Variants in WIPF3 observed in about 807,000 individuals in gnomAD.
The protein encoded by WIPF3 is WAS/WASL-interacting protein family member 3.
WIPF3 carries 33 observed loss-of-function variants against 38.9 expected under a neutral mutation model. The observed-to-expected ratio is 0.85, with a 90% CI of 0.64 to 1.14. The LOEUF is 1.14. Ranked by LOEUF, WIPF3 falls within the 50% of genes most tolerant of loss-of-function variation. The pLI is 0.00. For synonymous variants in WIPF3, 324 were observed against 269.3 expected (o/e 1.20, Z -1.99); for missense variants, 711 against 652.5 (o/e 1.09, Z -0.98).
In WIPF3 at chr7:29,830,040, A is replaced by G. The variant is rs183796314; in HGVS notation, c.-57-4628A>G. On this transcript the variant is annotated intron_variant, in intron 1 of 8. Coordinates refer to ENST00000242140, the MANE Select transcript of WIPF3 (RefSeq NM_001080529.3). The stretch of plus-strand genomic sequence containing the variant: ...AGCCCCTGACTTCCTGGAGCTCAGC[A>G]TTCTCAACTGTCAGATTTTAACAAA... Among the ~76,000 whole-genome samples, 251 of 152,240 alleles carry G rather than the reference A, an allele frequency of 1.6e-3. 1 individual carries two copies. In the East Asian group the frequency reaches 0.017, roughly 10 times the overall value.
intron 2 of WIPF3, among the ~76,000 whole-genome samples, chr7:29,872,043 T>C (rs1403176360): frequency 6.6e-6 from 1 of 152,200 alleles, no homozygotes; most frequent in East Asian, 1.9e-4. Context: ...GAAGTAATGT[T>C]TTGTTGGCTT....
intron 1 of WIPF3, among the ~76,000 whole-genome samples, chr7:29,812,672 C>A (rs79590248): frequency 0.01 from 1,578 of 152,254 alleles, 29 homozygotes; most frequent in African/African-American, 0.036. Flanking sequence ...TCTGATAAAT[C>A]AAATATTTTT....
chr7:29,890,705 T>TGCCCTGTGCTCAGGTGGAGGGAACCCAGG (rs1254423215), intron 7 of WIPF3, among the ~76,000 whole-genome samples: 19 of 151,598 alleles, frequency 1.3e-4, no homozygotes, highest in African/African-American at 4.1e-4. Context: ...CGCGTGGACC[T>TGCCCTGTGCTCAGGTGGAGGGAACCCAGG]GCCCTGTGCT....
At chr7:29,904,692 T>G (rs1470009845) in intron 8 of WIPF3, 1 of 269,546 alleles carries the variant, frequency 3.7e-6, no homozygotes, top group Non-Finnish European at 7.1e-6. Flanking sequence ...ATAACATGTA[T>G]AAAACATAAT....
chr7:29,860,499 A>G (rs1351617589), intron 2 of WIPF3, among the ~76,000 whole-genome samples: 1 of 152,214 alleles, frequency 6.6e-6, no homozygotes, highest in Non-Finnish European at 1.5e-5. Flanking sequence ...CATAAGTGGA[A>G]TCAGCCTGAA....
At chr7:29,835,603 C>T (rs1031090534) in intron 2 of WIPF3, among the ~76,000 whole-genome samples, 2 of 152,290 alleles carry the variant, frequency 1.3e-5, no homozygotes, top group East Asian at 3.9e-4. Context: ...AAATCACCAC[C>T]GCACACACGG....
chr7:29,884,696 CA>C (rs2128076159), intron 5 of WIPF3, 103 bp downstream of exon 5: 2 of 1,431,962 alleles, frequency 1.4e-6, no homozygotes, highest in Non-Finnish European at 1.8e-6. Flanking sequence ...AGATGGACAC[CA>C]GGGGTGAGGG....
Position 29,847,997 on chromosome 7 carries a change from C to T in WIPF3, c.90+13183C>T, listed in dbSNP as rs529705077. Among the ~76,000 whole-genome samples the T allele has an allele frequency of 1.6e-4, 24 of 152,222 alleles. No homozygotes were observed. The Middle Eastern group carries it at 0.031, about 194-fold the overall frequency. ...TTTGGGGAATTGTTTTAATTCCAAA[C>T]AATGTGCAGATGTTACCATTTCTAG... On this transcript the variant is annotated intron_variant, in intron 2 of 8. Coordinates refer to ENST00000242140, the MANE Select transcript of WIPF3 (RefSeq NM_001080529.3).
chr7:29,874,087 C>A (rs571737919), intron 2 of WIPF3, among the ~76,000 whole-genome samples: 1 of 152,218 alleles, frequency 6.6e-6, no homozygotes, highest in South Asian at 2.1e-4. Context: ...CTCTGGGGAA[C>A]CAGCATGGCT....
chr7:29,852,093 C>G (rs1236700380), intron 2 of WIPF3, among the ~76,000 whole-genome samples: 1 of 152,194 alleles, frequency 6.6e-6, no homozygotes, highest in Non-Finnish European at 1.5e-5. Context: ...CCTCCAGCTA[C>G]TGGACTCAAG....
In WIPF3 at chr7:29,915,384, CAG is replaced by C. The variant is rs1786594614; in HGVS notation, c.*871_*872del. The C allele has an allele frequency of 6.6e-6, 1 of 152,190 alleles. No individual in the cohort carries two copies. The highest frequency in any genetic ancestry group is 1.5e-5 in the Non-Finnish European group (1 of 68,048). 9.4% of individuals were successfully genotyped at this position (152,190 alleles called of 1,614,324 possible). ...TTATGCTAAACTACCAGTTGTATCT[CAG>C]AGGTCTCCCCTTCTGCCCTTGCTTC... On this transcript the variant is annotated 3_prime_UTR_variant, in exon 9 of 9. Coordinates refer to ENST00000242140, the MANE Select transcript of WIPF3 (RefSeq NM_001080529.3).
chr7:29,821,701 A>C (rs1784539209), intron 1 of WIPF3, among the ~76,000 whole-genome samples: 1 of 152,180 alleles, frequency 6.6e-6, no homozygotes, highest in African/African-American at 2.4e-5. Context: ...TATGTCTTTT[A>C]CTCAGGAAAA....
chr7:29,807,180 G>T (rs993437743), intron 1 of WIPF3, among the ~76,000 whole-genome samples: 1 of 152,130 alleles, frequency 6.6e-6, no homozygotes, highest in Non-Finnish European at 1.5e-5. Flanking sequence ...GGTGGCTTGG[G>T]GAATACAGAA....
Position 29,884,361 on chromosome 7 carries a change from T to TGCC in WIPF3, c.867_868insGCC (p.Pro289_Pro290insAla). On this transcript the variant is annotated inframe_insertion, in exon 5 of 9. Coordinates refer to ENST00000242140, the MANE Select transcript of WIPF3 (RefSeq NM_001080529.3). ...GCCCTGCGCAAGATGCGCAGGAGCC[T>TGCC]CCCGCCCCGCCGCCCCCGCTCCCCC... is the stretch of plus-strand genomic sequence containing the variant. The TGCC allele has an allele frequency of 1.1e-5, 15 of 1,317,840 alleles. No individual in the cohort carries two copies. Among genetic ancestry groups the TGCC allele is most frequent in the African/African-American group, 1.9e-5 (1 of 53,806 alleles). The allele number at this position is 1,317,840 out of a possible 1,614,324, so 81.6% of individuals were successfully genotyped here.
At chr7:29,892,568 G>T (rs189341469) in intron 7 of WIPF3, among the ~76,000 whole-genome samples, 1 of 152,334 alleles carries the variant, frequency 6.6e-6, no homozygotes, top group African/African-American at 2.4e-5. Flanking sequence ...CTTATCATTT[G>T]TCCTTAATGC....
At chr7:29,808,478 C>G (rs1784321970) in intron 1 of WIPF3, among the ~76,000 whole-genome samples, 2 of 152,204 alleles carry the variant, frequency 1.3e-5, no homozygotes, top group Non-Finnish European at 2.9e-5. Flanking sequence ...ACAGCCTGGG[C>G]ACACAGACTT....
At chr7:29,850,644 G>C (rs1017766317) in intron 2 of WIPF3, among the ~76,000 whole-genome samples, 2 of 152,156 alleles carry the variant, frequency 1.3e-5, no homozygotes, top group Non-Finnish European at 2.9e-5. Flanking sequence ...GCTCACACAG[G>C]GGAACATGCC....
intron 1 of WIPF3, among the ~76,000 whole-genome samples, chr7:29,828,051 G>A (rs1402637009): frequency 3.3e-5 from 5 of 152,122 alleles, no homozygotes; most frequent in African/African-American, 4.8e-5. Flanking sequence ...TACCCATGTC[G>A]GCCTCCCAAA....
chr7:29,901,124 T>G (rs1472401871), intron 7 of WIPF3, among the ~76,000 whole-genome samples: 1 of 152,142 alleles, frequency 6.6e-6, no homozygotes, highest in African/African-American at 2.4e-5. Context: ...TGCTTGAGAT[T>G]GAGGAGAGAG....
Sources: allele counts gnomAD v4.1 joint callset (sites outside exome capture counted in the v4.1 genomes callset), GRCh38; gene constraint gnomAD v4.1.1; transcripts MANE v1.5; gene names NCBI Gene and HGNC (gene_info 2026-07-23, HGNC 2026-07-21).